MAST2: variants seen among roughly 807,000 people sequenced by gnomAD.
The protein encoded by MAST2 is microtubule associated serine/threonine kinase 2, also known as microtubule-associated serine/threonine-protein kinase 2.
Under a neutral mutation model 147.4 loss-of-function variants are expected in MAST2, and 70 were observed. The ratio of observed to expected loss-of-function variants is 0.47; its 90% CI spans 0.39 to 0.58. The LOEUF is 0.58. MAST2 is among the 20% of genes least tolerant of loss of function. MAST2 has a pLI of 0.00. For missense variants in MAST2, 2,080 were observed against 2,302.3 expected, an observed-to-expected ratio of 0.90 and a Z score of 1.98; for synonymous variants, 869 against 896.8, an observed-to-expected ratio of 0.97 and a Z score of 0.55.
intron 20 of MAST2, 66 bp downstream of exon 20, chr1:46,030,019 A>G: frequency 6.2e-7 from 1 of 1,608,340 alleles, no homozygotes; most frequent in Admixed American, 1.7e-5. Flanking sequence ...ACCTGTGCAC[A>G]CTGAAATTGC....
At chr1:45,882,473 G>A in intron 4 of MAST2, 78 bp downstream of exon 4, 1 of 1,131,582 alleles carries the variant, frequency 8.8e-7, no homozygotes, top group Non-Finnish European at 1.3e-6. Flanking sequence ...CCACTATCAT[G>A]TGGAGGAATC....
At chr1:46,025,561 A>C in intron 15 of MAST2, 116 bp from the exon 16 acceptor site, 1 of 1,245,262 alleles carries the variant, frequency 8.0e-7, no homozygotes, top group Non-Finnish European at 1.2e-6. Context: ...AGTCTCCAGC[A>C]CCAGGATATT....
intron 1 of MAST2, among the ~76,000 whole-genome samples, chr1:45,818,281 C>T (rs1308620739): frequency 6.6e-6 from 1 of 152,154 alleles, no homozygotes; most frequent in African/African-American, 2.4e-5. Flanking sequence ...TGTAGTGGAT[C>T]AGACTGACAG....
chr1:45,851,506 CCAG>C (rs1312198638), intron 3 of MAST2, among the ~76,000 whole-genome samples: 2 of 152,122 alleles, frequency 1.3e-5, no homozygotes, highest in Non-Finnish European at 2.9e-5. Flanking sequence ...GCTCTGTTGA[CCAG>C]CAGTCAGGAG....
chr1:45,828,649 G>A (rs540588191), intron 2 of MAST2, among the ~76,000 whole-genome samples: 16 of 152,326 alleles, frequency 1.1e-4, no homozygotes, highest in Non-Finnish European at 1.8e-4. Context: ...CAGGTCGGGC[G>A]TGGTGGCTCA....
chr1:45,921,711 G>A (rs1478893712), intron 4 of MAST2, among the ~76,000 whole-genome samples: 1 of 152,168 alleles, frequency 6.6e-6, no homozygotes. Context: ...GAGCCACCAG[G>A]CCCCAAAGCA....
intron 4 of MAST2, among the ~76,000 whole-genome samples, chr1:45,939,437 G>A (rs2148783226): frequency 6.6e-6 from 1 of 151,980 alleles, no homozygotes; most frequent in South Asian, 2.1e-4. Flanking sequence ...TTTGAAATCA[G>A]GTGGTATAAT....
chr1:46,030,311 A>G, intron 21 of MAST2, 73 bp downstream of exon 21: 1 of 1,447,136 alleles, frequency 6.9e-7, no homozygotes, highest in Non-Finnish European at 9.6e-7. Context: ...CAAAGGGCAC[A>G]CCTGGGGCAG....
chr1:46,008,907 C>T lies in MAST2; in HGVS notation c.978+536C>T, dbSNP rs138273198. ...GACAGATCTCAGAGTTGCTTGCTAA[C>T]ATCTGAATTTTCATTTTCAAGCAGG... On this transcript the variant is annotated intron_variant, in intron 9 of 28. Transcript: ENST00000361297. 2.6e-3 allele frequency among the ~76,000 whole-genome samples: 400 copies of T among 152,302 alleles called. 3 individuals are homozygous for T. Among genetic ancestry groups the T allele is most frequent in the African/African-American group, 9.3e-3 (387 of 41,560 alleles).
At chr1:45,810,810 CAAA>C (rs909997197) in intron 1 of MAST2, among the ~76,000 whole-genome samples, 4 of 35,594 alleles carry the variant, frequency 1.1e-4, no homozygotes, top group South Asian at 1.9e-3. Context: ...GACTCCATCT[CAAA>C]AAAAAAAAAA....
intron 26 of MAST2, among the ~76,000 whole-genome samples, chr1:46,033,373 AG>A (rs1261025959): frequency 1.3e-5 from 2 of 151,680 alleles, no homozygotes; most frequent in African/African-American, 4.8e-5. Context: ...CAGGAGGCAG[AG>A]GTTGCAGTGA....
At chr1:45,928,000 G>A (rs1033889503) in intron 4 of MAST2, among the ~76,000 whole-genome samples, 3 of 152,186 alleles carry the variant, frequency 2.0e-5, no homozygotes, top group Admixed American at 6.5e-5. Flanking sequence ...TTGCCTAAGA[G>A]CAGGAAGCTG....
At chr1:45,927,597 C>T (rs1348453082) in intron 4 of MAST2, among the ~76,000 whole-genome samples, 1 of 152,230 alleles carries the variant, frequency 6.6e-6, no homozygotes, top group Non-Finnish European at 1.5e-5. Context: ...TTAAGGTTCT[C>T]TCTCTTATTC....
intron 4 of MAST2, among the ~76,000 whole-genome samples, chr1:45,918,970 A>G (rs543413990): frequency 1.3e-5 from 2 of 152,186 alleles, no homozygotes; most frequent in South Asian, 2.1e-4. Flanking sequence ...AAAAAATACA[A>G]AAATTAGCTG....
At chr1:45,926,288 T>C (rs1166244290) in intron 4 of MAST2, among the ~76,000 whole-genome samples, 1 of 152,254 alleles carries the variant, frequency 6.6e-6, no homozygotes, top group Non-Finnish European at 1.5e-5. Flanking sequence ...TTACCTGGGC[T>C]GCTAGACTGG....
chr1:45,907,866 A>G (rs895687335), intron 4 of MAST2, among the ~76,000 whole-genome samples: 1 of 152,184 alleles, frequency 6.6e-6, no homozygotes, highest in Admixed American at 6.5e-5. Context: ...ATGCACATCT[A>G]TATTAAAGTC....
chr1:45,969,608 T>C (rs1161687208), intron 5 of MAST2, among the ~76,000 whole-genome samples: 1 of 151,940 alleles, frequency 6.6e-6, no homozygotes, highest in Non-Finnish European at 1.5e-5. Context: ...TATTAGAATC[T>C]AATGCCTGAT....
intron 19 of MAST2, 34 bp from the exon 20 acceptor site, chr1:46,029,797 C>T: frequency 1.2e-6 from 2 of 1,611,690 alleles, no homozygotes; most frequent in Non-Finnish European, 1.7e-6. Flanking sequence ...TGCTGCTCAT[C>T]CTACCCCCTT....
chr1:45,925,909 T>C (rs886857371), intron 4 of MAST2, among the ~76,000 whole-genome samples: 1 of 152,204 alleles, frequency 6.6e-6, no homozygotes, highest in Middle Eastern at 3.2e-3. Flanking sequence ...TGAGAGACTT[T>C]TGGTAGACTT....
Sources: allele counts gnomAD v4.1 joint callset (sites outside exome capture counted in the v4.1 genomes callset), GRCh38; gene constraint gnomAD v4.1.1; transcripts MANE v1.5; gene names NCBI Gene and HGNC (gene_info 2026-07-23, HGNC 2026-07-21).